SAMM50: variants seen among roughly 807,000 people sequenced by gnomAD.
SAMM50 encodes the protein SAMM50 sorting and assembly machinery component.
Under a neutral mutation model 66.9 loss-of-function variants are expected in SAMM50, and 47 were observed. The ratio of observed to expected loss-of-function variants is 0.70; its 90% CI spans 0.56 to 0.90. The LOEUF (loss-of-function observed/expected upper bound fraction) is 0.90. Among genes scored for constraint, SAMM50 ranks in the 40% least tolerant of loss-of-function variants. The pLI is 0.00. For synonymous variants in SAMM50, 191 were observed against 214.1 expected, an observed-to-expected ratio of 0.89 and a Z score of 0.94; for missense variants, 535 against 595.3, an observed-to-expected ratio of 0.90 and a Z score of 1.05.
At chr22:43,977,628 C>T (rs942701914) in intron 9 of SAMM50, among the ~76,000 whole-genome samples, 3 of 152,216 alleles carry the variant, frequency 2.0e-5, no homozygotes, top group African/African-American at 7.2e-5. Flanking sequence ...CTCAGGCTGC[C>T]AGTGCTCCCT....
chr22:43,991,343 C>G (rs1024651767), intron 14 of SAMM50, among the ~76,000 whole-genome samples: 4 of 148,338 alleles, frequency 2.7e-5, no homozygotes, highest in Non-Finnish European at 5.9e-5. Flanking sequence ...AATGGCCTGA[C>G]CATGGCTCAC....
At chr22:43,990,485 A>C in intron 14 of SAMM50, 79 bp downstream of exon 14, 1 of 1,356,864 alleles carries the variant, frequency 7.4e-7, no homozygotes, top group Non-Finnish European at 1.0e-6. Context: ...GGTTAATTTC[A>C]TTAGTGGCTT....
In SAMM50 at chr22:43,968,916, C is replaced by A. The variant is rs565391323; in HGVS notation, c.322+98C>A. 6.6e-6 allele frequency: 5 copies of A among 756,490 alleles called. No homozygotes were observed. In the East Asian group the frequency reaches 7.5e-5, roughly 11 times the overall value. 46.9% of individuals were successfully genotyped at this position (756,490 alleles called of 1,614,324 possible). ...TGCAGATCTGGGCAGCAGAGCACTG[C>A]TCCCTGCTGTGTAGAACCTGAAAGT... On this transcript the variant is annotated intron_variant, in intron 4 of 14. Transcript: ENST00000350028.
chr22:43,982,793 G>A (rs2050271571), intron 11 of SAMM50, among the ~76,000 whole-genome samples: 1 of 152,044 alleles, frequency 6.6e-6, no homozygotes, highest in Admixed American at 6.5e-5. Context: ...CCGGCACCAC[G>A]CCCAGCTAAT....
rs751169069 is a variant in SAMM50, at chr22:43,955,528, G to A, written c.-50G>A. The A allele has an allele frequency of 1.6e-5, 25 of 1,579,744 alleles. No individual in the cohort carries two copies. In the Admixed American group the frequency reaches 4.3e-4, roughly 27 times the overall value. On this transcript the variant is annotated 5_prime_UTR_variant, in exon 1 of 15. Coordinates refer to ENST00000350028, the MANE Select transcript of SAMM50 (RefSeq NM_015380.5). ...CCGCCTTCTGCCCTCAGCAGCAGAC[G>A]CTCTGTCCCGCCCGGGCAGCTCTGC...
At chr22:43,968,226 C>CAAA (rs66961907) in intron 3 of SAMM50, among the ~76,000 whole-genome samples, 19 of 68,594 alleles carry the variant, frequency 2.8e-4, no homozygotes, top group South Asian at 5.9e-4. Flanking sequence ...AACTCTGTCT[C>CAAA]AAAAAAAAAA....
intron 4 of SAMM50, among the ~76,000 whole-genome samples, chr22:43,971,487 G>A (rs1288058657): frequency 6.6e-6 from 1 of 152,180 alleles, no homozygotes; most frequent in Non-Finnish European, 1.5e-5. Flanking sequence ...CAGTAACACA[G>A]TAAACAATCT....
rs2050125299 is a variant in SAMM50 at position 43,957,387 on chromosome 22, C to T, written c.21+1789C>T. The T allele has an allele frequency of 7.1e-6, 3 of 425,476 alleles. No individual in the cohort carries two copies. In the South Asian group the frequency reaches 8.8e-5, roughly 12 times the overall value. The allele number at this position is 425,476 out of a possible 1,614,324, so 26.4% of individuals were successfully genotyped here. A position where few individuals can be genotyped will look rare whatever the true frequency, so the allele number is the denominator to read the frequency against. On this transcript the variant is annotated intron_variant, in intron 1 of 14. Transcript: ENST00000350028. ...CAATAAATCAATGTGGATTTGTGCT[C>T]TTGAAAAAAAAAAGGCAACTTGATT...
chr22:43,989,986 CA>C (rs1455082156), intron 13 of SAMM50, among the ~76,000 whole-genome samples: 1 of 152,074 alleles, frequency 6.6e-6, no homozygotes, highest in Non-Finnish European at 1.5e-5. Flanking sequence ...CCCAGGTGGT[CA>C]GGGGATGGGG....
At position 43,963,448 on chromosome 22, in the gene SAMM50, T is replaced by G. The variant is rs893720849; in HGVS notation, c.132+52T>G. On this transcript the variant is annotated intron_variant, in intron 2 of 14. Coordinates refer to ENST00000350028, the MANE Select transcript of SAMM50 (RefSeq NM_015380.5). ...AGAATTGTTAGTGGAAACATTCACTTCCATACACCACTAGGGAGATGTAAA... is the reference window on the plus strand; with the variant it reads ...AGAATTGTTAGTGGAAACATTCACTGCCATACACCACTAGGGAGATGTAAA... 7 of 1,107,650 alleles carry G rather than the reference T, an allele frequency of 6.3e-6. No homozygotes were observed. The Admixed American group carries it at 1.1e-4, about 17-fold the overall frequency. 68.6% of individuals were successfully genotyped at this position (1,107,650 alleles called of 1,614,324 possible).
intron 7 of SAMM50, 32 bp downstream of exon 7, chr22:43,973,355 T>C (rs1482020528): frequency 3.2e-5 from 44 of 1,354,874 alleles, no homozygotes; most frequent in Non-Finnish European, 4.4e-5. Context: ...CCCTCTGGGC[T>C]TGGGGGAAAA....
At chr22:43,960,457 A>G (rs2050142132) in intron 1 of SAMM50, among the ~76,000 whole-genome samples, 1 of 152,198 alleles carries the variant, frequency 6.6e-6, no homozygotes, top group African/African-American at 2.4e-5. Context: ...GGTCAGGCGC[A>G]GTGGTTCACG....
chr22:43,967,478 C>T (rs1366435218), intron 3 of SAMM50, among the ~76,000 whole-genome samples: 3 of 152,238 alleles, frequency 2.0e-5, no homozygotes, highest in Non-Finnish European at 4.4e-5. Flanking sequence ...CTCATGCACT[C>T]TACCTAGGCA....
rs529462855 is a variant in SAMM50, at chr22:43,991,267, C to T, written c.1364+861C>T. Reference sequence around the variant, plus strand: ...CTGGGATTATAGGCATGAGCCACCACGCCCGGCATTTTTTTTTTTTTTTTT... The same window carrying T: ...CTGGGATTATAGGCATGAGCCACCATGCCCGGCATTTTTTTTTTTTTTTTT... On this transcript the variant is annotated intron_variant, in intron 14 of 14. Transcript: ENST00000350028. Among the ~76,000 whole-genome samples the T allele has an allele frequency of 1.6e-4, 24 of 151,156 alleles. No individual in the cohort carries two copies. In the East Asian group the frequency reaches 2.1e-3, roughly 13 times the overall value.
chr22:43,973,224 A>G lies in SAMM50; in HGVS notation c.561-12A>G, dbSNP rs1416096208. The G allele has an allele frequency of 1.3e-6, 2 of 1,541,342 alleles. No homozygotes were observed. The highest frequency in any genetic ancestry group is 2.2e-5 in the East Asian group (1 of 44,556). ...GTTTCAGCTTTTAAAGCTCTATCCC[A>G]TTGTCTCCTAGTTTCTCTGTAAACT... On this transcript the variant is annotated splice_polypyrimidine_tract_variant and intron_variant, in intron 6 of 14. Coordinates refer to ENST00000350028, the MANE Select transcript of SAMM50 (RefSeq NM_015380.5).
rs2050212556 is a variant in SAMM50, at chr22:43,973,144, C to T, written c.561-92C>T. On this transcript the variant is annotated intron_variant, in intron 6 of 14. Transcript: ENST00000350028. ...TGTAGATTTCCTCTTGAAGATGAGC[C>T]CTACGGGCGTAGTGTTAAGTCTGTT... 6 of 1,321,250 alleles carry T rather than the reference C, an allele frequency of 4.5e-6. No homozygotes were observed. In the East Asian group the frequency reaches 1.2e-4, roughly 26 times the overall value. 81.8% of individuals were successfully genotyped at this position (1,321,250 alleles called of 1,614,324 possible). A position where few individuals can be genotyped will look rare whatever the true frequency, so the allele number is the denominator to read the frequency against.
intron 3 of SAMM50, among the ~76,000 whole-genome samples, chr22:43,965,628 C>A (rs1006039535): frequency 2.0e-5 from 3 of 152,136 alleles, no homozygotes; most frequent in African/African-American, 7.2e-5. Flanking sequence ...CCCGGCCAAT[C>A]CCAGTCTGCT....
chr22:43,978,432 C>CAAAAA (rs71313377), intron 10 of SAMM50, among the ~76,000 whole-genome samples: 33,099 of 68,356 alleles, frequency 0.48, 7,589 homozygotes, highest in East Asian at 0.72. Flanking sequence ...GACTCCTTCT[C>CAAAAA]AAAAAAAAAA....
Position 43,989,462 on chromosome 22 carries a change from G to A in SAMM50, c.1222+205G>A, listed in dbSNP as rs545728905. ...AGTGACTCTCTTGCCTCAGCCTCCCGAGTAGCTGGGACTACAGGCGCGTGC... is the reference window on the plus strand; with the variant it reads ...AGTGACTCTCTTGCCTCAGCCTCCCAAGTAGCTGGGACTACAGGCGCGTGC... On this transcript the variant is annotated intron_variant, in intron 13 of 14. Coordinates refer to ENST00000350028, the MANE Select transcript of SAMM50 (RefSeq NM_015380.5). Among the ~76,000 whole-genome samples the A allele has an allele frequency of 5.6e-4, 85 of 150,780 alleles. 1 individual carries two copies. Among genetic ancestry groups the A allele is most frequent in the African/African-American group, 1.9e-3 (76 of 40,976 alleles).
Sources: allele counts gnomAD v4.1 joint callset (sites outside exome capture counted in the v4.1 genomes callset), GRCh38; gene constraint gnomAD v4.1.1; transcripts MANE v1.5; gene names NCBI Gene and HGNC (gene_info 2026-07-23, HGNC 2026-07-21).